The following ADK variants were observed in gnomAD, a reference collection of about 807,000 sequenced individuals.
The protein encoded by ADK is adenosine kinase.
In ADK, 24 loss-of-function variants were observed where a neutral mutation model predicts 44.7. That is an observed-to-expected ratio of 0.54 (90% CI 0.39 to 0.76). The LOEUF (loss-of-function observed/expected upper bound fraction) is 0.76, where lower values mean the gene tolerates loss of function less well. Ranked by LOEUF, ADK falls within the 30% of genes least tolerant of loss-of-function variation. The pLI is 0.00. For synonymous variants in ADK, 128 were observed against 142.6 expected (o/e 0.90, Z 0.73); for missense variants, 321 against 425.1 (o/e 0.76, Z 2.15).
chr10:74,341,542 A>G (rs1364017189), intron 4 of ADK, among the ~76,000 whole-genome samples: 1 of 151,986 alleles, frequency 6.6e-6, no homozygotes. Context: ...AAAAAAAAAA[A>G]AAAGGATTTT....
At chr10:74,649,041 G>C (rs566417501) in intron 9 of ADK, among the ~76,000 whole-genome samples, 1 of 151,938 alleles carries the variant, frequency 6.6e-6, no homozygotes, top group Non-Finnish European at 1.5e-5. Context: ...TTAGCTGGGC[G>C]TGGTGGCACG....
At chr10:74,489,971 T>A (rs1847418367) in intron 6 of ADK, among the ~76,000 whole-genome samples, 1 of 151,960 alleles carries the variant, frequency 6.6e-6, no homozygotes, top group African/African-American at 2.4e-5. Flanking sequence ...TATGATTTTT[T>A]AAAAATCACA....
intron 10 of ADK, among the ~76,000 whole-genome samples, chr10:74,685,398 A>G (rs1855750662): frequency 6.6e-6 from 1 of 152,214 alleles, no homozygotes; most frequent in Non-Finnish European, 1.5e-5. Flanking sequence ...TCTGTCAGAA[A>G]GAACAGCAAA....
chr10:74,696,969 T>G (rs138386042), intron 10 of ADK, among the ~76,000 whole-genome samples: 21 of 152,334 alleles, frequency 1.4e-4, no homozygotes, highest in African/African-American at 4.3e-4. Flanking sequence ...CTATTTTCAA[T>G]GCATAAACAT....
At chr10:74,439,460 C>T (rs1187243962) in intron 6 of ADK, among the ~76,000 whole-genome samples, 1 of 152,130 alleles carries the variant, frequency 6.6e-6, no homozygotes, top group Non-Finnish European at 1.5e-5. Flanking sequence ...GAAAGTAGAA[C>T]TGATTTTTCA....
At chr10:74,208,644 A>G (rs1357864639) in intron 2 of ADK, among the ~76,000 whole-genome samples, 1 of 152,084 alleles carries the variant, frequency 6.6e-6, no homozygotes, top group African/African-American at 2.4e-5. Flanking sequence ...ACCTTATGAT[A>G]TAAACGAATC....
At chr10:74,469,837 G>A (rs185370818) in intron 6 of ADK, among the ~76,000 whole-genome samples, 139 of 152,096 alleles carry the variant, frequency 9.1e-4, no homozygotes, top group African/African-American at 3.1e-3. Context: ...CTCTGATTCC[G>A]TGAATTTGAC....
At chr10:74,535,913 G>A (rs1055604914) in intron 7 of ADK, among the ~76,000 whole-genome samples, 3 of 151,860 alleles carry the variant, frequency 2.0e-5, no homozygotes, top group African/African-American at 7.3e-5. Context: ...ATTAGCAAAT[G>A]ATGTATCTTT....
chr10:74,458,311 T>G (rs1393359735), intron 6 of ADK, among the ~76,000 whole-genome samples: 1 of 148,274 alleles, frequency 6.7e-6, no homozygotes, highest in Non-Finnish European at 1.5e-5. Context: ...TTTTTTTTTT[T>G]TTTTTTTGCA....
At chr10:74,400,797 A>G (rs1401897251) in intron 6 of ADK, among the ~76,000 whole-genome samples, 4 of 152,046 alleles carry the variant, frequency 2.6e-5, no homozygotes, top group African/African-American at 7.2e-5. Context: ...ATCTGTCTGC[A>G]TCACATAAGC....
intron 7 of ADK, among the ~76,000 whole-genome samples, chr10:74,546,984 T>C (rs1261028092): frequency 6.6e-6 from 1 of 152,230 alleles, no homozygotes; most frequent in Non-Finnish European, 1.5e-5. Context: ...TTAACTACTC[T>C]ATAATTTTTC....
At chr10:74,258,645 GA>G (rs1442413251) in intron 3 of ADK, among the ~76,000 whole-genome samples, 1 of 151,872 alleles carries the variant, frequency 6.6e-6, no homozygotes, top group Non-Finnish European at 1.5e-5. Context: ...ATTTAGCTGG[GA>G]AAAAAATGAA....
intron 3 of ADK, among the ~76,000 whole-genome samples, chr10:74,256,797 T>C (rs924603567): frequency 6.6e-6 from 1 of 152,212 alleles, no homozygotes; most frequent in African/African-American, 2.4e-5. Context: ...ACCTGATAAA[T>C]GGTACATGAA....
intron 6 of ADK, among the ~76,000 whole-genome samples, chr10:74,467,764 A>G (rs962347901): frequency 3.3e-5 from 5 of 152,136 alleles, no homozygotes; most frequent in African/African-American, 1.2e-4. Flanking sequence ...TTAAATCTCT[A>G]TATTAAACAT....
At chr10:74,266,422 T>C (rs989750796) in intron 3 of ADK, among the ~76,000 whole-genome samples, 1 of 152,054 alleles carries the variant, frequency 6.6e-6, no homozygotes, top group Admixed American at 6.6e-5. Flanking sequence ...CCTGGCGTGG[T>C]GGCGGGCACC....
At chr10:74,580,311 C>T (rs1253516259) in intron 7 of ADK, among the ~76,000 whole-genome samples, 1 of 152,004 alleles carries the variant, frequency 6.6e-6, no homozygotes, top group Non-Finnish European at 1.5e-5. Flanking sequence ...CACGGTGGCT[C>T]ACACCTGTAA....
intron 7 of ADK, among the ~76,000 whole-genome samples, chr10:74,540,056 A>G (rs961337519): frequency 6.6e-6 from 1 of 152,152 alleles, no homozygotes; most frequent in African/African-American, 2.4e-5. Context: ...CGCCAACTAC[A>G]TTGCCTCTCT....
At chr10:74,532,182 A>G (rs1256939810) in intron 7 of ADK, among the ~76,000 whole-genome samples, 2 of 152,210 alleles carry the variant, frequency 1.3e-5, no homozygotes, top group African/African-American at 4.8e-5. Context: ...CTTTTGAAAA[A>G]TCCAGACATC....
chr10:74,537,060 C>T (rs746876563), intron 7 of ADK, among the ~76,000 whole-genome samples: 2 of 152,098 alleles, frequency 1.3e-5, no homozygotes, highest in Non-Finnish European at 2.9e-5. Context: ...TTTTACATTC[C>T]TACCATCAAT....
Sources: gnomAD v4.1 joint callset for allele counts (sites outside exome capture counted in the v4.1 genomes callset) on GRCh38, gnomAD v4.1.1 for gene constraint, MANE v1.5 for transcripts, NCBI Gene and HGNC (gene_info 2026-07-23, HGNC 2026-07-21) for gene names.